Variants in SOX6 observed in about 807,000 individuals in gnomAD.
SOX6 encodes the protein transcription factor SOX-6.
SOX6 carries 11 observed loss-of-function variants against 97.8 expected under a neutral mutation model. That is an observed-to-expected ratio of 0.11 (90% CI 0.07 to 0.19). SOX6 has a LOEUF of 0.19. Among genes scored for constraint, SOX6 ranks in the 10% least tolerant of loss-of-function variants. SOX6 has a pLI of 1.00. For missense variants in SOX6, 810 were observed against 1,039.5 expected (o/e 0.78, Z 3.04); for synonymous variants, 360 against 371.4 (o/e 0.97, Z 0.35).
chr11:16,574,058 T>C (rs910131202), intron 4 of SOX6, among the ~76,000 whole-genome samples: 1 of 152,182 alleles, frequency 6.6e-6, no homozygotes, highest in African/African-American at 2.4e-5. Context: ...ATCATTTCCA[T>C]AAAATTTTAC....
At chr11:16,421,859 T>C (rs1201022426) in intron 1 of SOX6, among the ~76,000 whole-genome samples, 6 of 152,222 alleles carry the variant, frequency 3.9e-5, no homozygotes, top group African/African-American at 1.2e-4. Context: ...AGTTTAGTCA[T>C]TGCCCAACTT....
chr11:16,347,278 A>G (rs899220428), intron 1 of SOX6, among the ~76,000 whole-genome samples: 1 of 152,028 alleles, frequency 6.6e-6, no homozygotes, highest in Non-Finnish European at 1.5e-5. Context: ...TGTAACCTCT[A>G]TCTATACTTT....
At chr11:16,433,000 G>T (rs1285821675) in intron 1 of SOX6, among the ~76,000 whole-genome samples, 1 of 151,910 alleles carries the variant, frequency 6.6e-6, no homozygotes, top group Admixed American at 6.6e-5. Context: ...GGTTTATAGG[G>T]CTACATGATT....
intron 9 of SOX6, among the ~76,000 whole-genome samples, chr11:16,070,702 G>A (rs1287858626): frequency 1.3e-5 from 2 of 151,790 alleles, no homozygotes; most frequent in Non-Finnish European, 2.9e-5. Flanking sequence ...GAGTGAAACT[G>A]GGCACCAGTC....
chr11:16,164,872 C>T (rs1033447655), intron 6 of SOX6, among the ~76,000 whole-genome samples: 59 of 150,810 alleles, frequency 3.9e-4, no homozygotes, highest in African/African-American at 1.4e-3. Context: ...CACAGAGAGA[C>T]AACAGTATGT....
intron 15 of SOX6, among the ~76,000 whole-genome samples, chr11:15,980,923 T>C (rs1853636020): frequency 6.6e-6 from 1 of 152,002 alleles, no homozygotes; most frequent in Non-Finnish European, 1.5e-5. Context: ...TTCATGTATG[T>C]ATCTGGCTTC....
chr11:16,481,447 C>CA (rs143851577), intron 4 of SOX6, among the ~76,000 whole-genome samples: 1,662 of 152,196 alleles, frequency 0.011, 30 homozygotes, highest in East Asian at 0.051. Flanking sequence ...CCTAGTCCAC[C>CA]ACTCTGCTGT....
chr11:16,258,899 T>C (rs1201985937), intron 3 of SOX6, among the ~76,000 whole-genome samples: 3 of 151,490 alleles, frequency 2.0e-5, no homozygotes, highest in African/African-American at 7.3e-5. Context: ...CACACATATA[T>C]ACATATATAC....
chr11:16,267,215 A>C (rs895596009), intron 3 of SOX6, among the ~76,000 whole-genome samples: 11 of 146,622 alleles, frequency 7.5e-5, no homozygotes, highest in Non-Finnish European at 1.4e-4. Flanking sequence ...TTAAAAAAAA[A>C]CTTCTGCACA....
chr11:16,365,375 T>C, intron 1 of SOX6, among the ~76,000 whole-genome samples: 1 of 151,934 alleles, frequency 6.6e-6, no homozygotes, highest in East Asian at 1.9e-4. Context: ...ATTATTATCA[T>C]AAATAAATTT....
chr11:16,622,501 T>G (rs928697526), intron 3 of SOX6, among the ~76,000 whole-genome samples: 38 of 152,242 alleles, frequency 2.5e-4, no homozygotes, highest in African/African-American at 8.2e-4. Context: ...TTCCCACTTA[T>G]GAGTGAGACC....
chr11:16,440,853 C>T (rs779987044), intron 1 of SOX6, among the ~76,000 whole-genome samples: 20 of 152,116 alleles, frequency 1.3e-4, no homozygotes, highest in Non-Finnish European at 2.6e-4. Context: ...AAGTTTCCTG[C>T]TCCATCCTGA....
At chr11:16,343,997 C>T (rs1471118255) in intron 1 of SOX6, among the ~76,000 whole-genome samples, 5 of 151,882 alleles carry the variant, frequency 3.3e-5, no homozygotes, top group Admixed American at 6.6e-5. Flanking sequence ...AGGACAACAA[C>T]GGTTAACAAT....
intron 6 of SOX6, among the ~76,000 whole-genome samples, chr11:16,151,423 A>G (rs1850455066): frequency 6.6e-6 from 1 of 152,178 alleles, no homozygotes; most frequent in Non-Finnish European, 1.5e-5. Flanking sequence ...TTCATCACCT[A>G]ATAGTTCATA....
chr11:16,734,683 A>G (rs1848378615), intron 2 of SOX6, among the ~76,000 whole-genome samples: 1 of 152,188 alleles, frequency 6.6e-6, no homozygotes, highest in Non-Finnish European at 1.5e-5. Flanking sequence ...AACATGTCTA[A>G]AATCAAAGTC....
chr11:16,386,224 A>G (rs1045081454), intron 1 of SOX6, among the ~76,000 whole-genome samples: 1 of 152,124 alleles, frequency 6.6e-6, no homozygotes, highest in African/African-American at 2.4e-5. Context: ...GAATTGAAGG[A>G]GAAATCTATT....
chr11:16,672,492 T>C (rs1190984487), intron 3 of SOX6, among the ~76,000 whole-genome samples: 1 of 152,192 alleles, frequency 6.6e-6, no homozygotes, highest in Admixed American at 6.5e-5. Context: ...CTCACAATCA[T>C]GATGGAAGGC....
intron 4 of SOX6, among the ~76,000 whole-genome samples, chr11:16,540,177 A>G (rs1442118605): frequency 6.6e-6 from 1 of 152,226 alleles, no homozygotes; most frequent in Non-Finnish European, 1.5e-5. Flanking sequence ...TACGCAAATC[A>G]ATAAACATAA....
chr11:16,028,779 G>A (rs1855277759), intron 12 of SOX6, among the ~76,000 whole-genome samples: 1 of 152,184 alleles, frequency 6.6e-6, no homozygotes, highest in South Asian at 2.1e-4. Context: ...ATGGGTGCGA[G>A]TGCTTTTATT....
Sources: gnomAD v4.1 joint callset for allele counts (sites outside exome capture counted in the v4.1 genomes callset) on GRCh38, gnomAD v4.1.1 for gene constraint, MANE v1.5 for transcripts, NCBI Gene and HGNC (gene_info 2026-07-23, HGNC 2026-07-21) for gene names.